BORCS5: variants seen among roughly 807,000 people sequenced by gnomAD.
BORCS5 encodes BLOC-1-related complex subunit 5.
BORCS5 carries 17 observed loss-of-function variants against 22.1 expected under a neutral mutation model. The ratio of observed to expected loss-of-function variants is 0.77; its 90% CI spans 0.53 to 1.15. The LOEUF (loss-of-function observed/expected upper bound fraction) is 1.15, where lower values mean the gene tolerates loss of function less well. Among genes scored for constraint, BORCS5 ranks in the 50% most tolerant of loss-of-function variants. The pLI is 0.00. For missense variants in BORCS5, 247 were observed against 253.2 expected (o/e 0.98, Z 0.17); for synonymous variants, 117 against 99.8 (o/e 1.17, Z -1.03).
chr12:12,409,544 A>G (rs1007049126), intron 2 of BORCS5, among the ~76,000 whole-genome samples: 5 of 152,102 alleles, frequency 3.3e-5, no homozygotes, highest in South Asian at 2.1e-4. Flanking sequence ...CCATGTCCCT[A>G]CAAAGGACAT....
intron 2 of BORCS5, among the ~76,000 whole-genome samples, chr12:12,415,250 C>A (rs1826975148): frequency 6.6e-6 from 1 of 150,888 alleles, no homozygotes; most frequent in Non-Finnish European, 1.5e-5. Flanking sequence ...GCACTCCAGC[C>A]TGGGCACCAT....
chr12:12,412,900 CTTTTT>C (rs869045354), intron 2 of BORCS5, among the ~76,000 whole-genome samples: 211 of 74,206 alleles, frequency 2.8e-3, no homozygotes, highest in Middle Eastern at 0.014. Context: ...TTGTGGTTTT[CTTTTT>C]TTTTTTTTTT....
chr12:12,446,543 G>T (rs1373408235), intron 3 of BORCS5, among the ~76,000 whole-genome samples: 1 of 152,176 alleles, frequency 6.6e-6, no homozygotes, highest in Admixed American at 6.5e-5. Context: ...TATCTCTGTT[G>T]TTAGTTGGTA....
intron 2 of BORCS5, among the ~76,000 whole-genome samples, chr12:12,408,202 T>C (rs775765953): frequency 6.6e-6 from 1 of 152,242 alleles, no homozygotes; most frequent in African/African-American, 2.4e-5. Context: ...CTTTCATCCA[T>C]TGATGGACAT....
chr12:12,359,819 G>T (rs1196402958), intron 1 of BORCS5, among the ~76,000 whole-genome samples: 1 of 152,056 alleles, frequency 6.6e-6, no homozygotes, highest in South Asian at 2.1e-4. Flanking sequence ...CTCCAGTGTC[G>T]CAGAGATGGG....
At chr12:12,361,153 T>C (rs1863274960) in intron 1 of BORCS5, 53 bp from the exon 2 acceptor site, 1 of 1,567,476 alleles carries the variant, frequency 6.4e-7, no homozygotes, top group South Asian at 1.1e-5. Context: ...ACTGCTTTGG[T>C]GAGGCAGAGA....
At chr12:12,407,507 A>G (rs368331482) in intron 2 of BORCS5, among the ~76,000 whole-genome samples, 1 of 152,012 alleles carries the variant, frequency 6.6e-6, no homozygotes, top group East Asian at 1.9e-4. Flanking sequence ...ACAATTTATC[A>G]TTTTAATCCT....
At chr12:12,447,476 C>T (rs1268845992) in intron 3 of BORCS5, among the ~76,000 whole-genome samples, 1 of 152,170 alleles carries the variant, frequency 6.6e-6, no homozygotes, top group African/African-American at 2.4e-5. Context: ...ACATGGGCCT[C>T]TGGACTCTAG....
At chr12:12,425,680 G>A (rs991768004) in intron 2 of BORCS5, among the ~76,000 whole-genome samples, 22 of 152,160 alleles carry the variant, frequency 1.4e-4, no homozygotes, top group African/African-American at 5.3e-4. Context: ...CAATTGTGTG[G>A]TTTGTTGTTT....
Position 12,357,463 on chromosome 12 carries a change from G to A in BORCS5, c.12G>A (p.Glu4=), listed in dbSNP as rs779514400. MGS[E]QSSEAESRPN... ...CCGCTGTCGGCACCATGGGCAGTGA[G>A]CAGAGCTCCGAGGCCGAGAGCCGAC... Residue 4 remains glutamate (E), a synonymous_variant, in exon 1 of 4, where the codon GAG becomes GAA. Transcript: ENST00000314565. 6.2e-7 allele frequency: 1 copy of A among 1,611,430 alleles called. No homozygotes were observed. Among genetic ancestry groups the A allele is most frequent in the Non-Finnish European group, 8.5e-7 (1 of 1,177,928 alleles).
intron 2 of BORCS5, among the ~76,000 whole-genome samples, chr12:12,384,363 T>C (rs1863837097): frequency 6.7e-6 from 1 of 150,292 alleles, no homozygotes; most frequent in Admixed American, 6.7e-5. Context: ...TTTTCTTTCT[T>C]TTATTATGAT....
At chr12:12,454,819 C>T (rs1389062357) in intron 3 of BORCS5, among the ~76,000 whole-genome samples, 1 of 152,154 alleles carries the variant, frequency 6.6e-6, no homozygotes, top group Admixed American at 6.5e-5. Context: ...ACCATTACAA[C>T]ACTGCCGTGA....
intron 2 of BORCS5, among the ~76,000 whole-genome samples, chr12:12,429,159 A>G (rs1407097883): frequency 6.6e-6 from 1 of 152,198 alleles, no homozygotes; most frequent in African/African-American, 2.4e-5. Context: ...TCAGAATGAA[A>G]CACTTCAGAG....
chr12:12,411,749 G>A (rs564716084), intron 2 of BORCS5, among the ~76,000 whole-genome samples: 5 of 152,200 alleles, frequency 3.3e-5, no homozygotes, highest in South Asian at 2.1e-4. Flanking sequence ...AACATTAAAC[G>A]TTTTATTGTT....
intron 2 of BORCS5, among the ~76,000 whole-genome samples, chr12:12,385,191 T>C (rs1203911510): frequency 6.6e-6 from 1 of 151,564 alleles, no homozygotes; most frequent in African/African-American, 2.4e-5. Flanking sequence ...GGTTGCACCC[T>C]TTCAGGTCTC....
chr12:12,446,573 C>T (rs1592134343), intron 3 of BORCS5, among the ~76,000 whole-genome samples: 1 of 152,194 alleles, frequency 6.6e-6, no homozygotes, highest in Non-Finnish European at 1.5e-5. Context: ...CAGATCTATA[C>T]TCCTTTTAAA....
intron 2 of BORCS5, among the ~76,000 whole-genome samples, chr12:12,420,428 A>G (rs1942084665): frequency 6.6e-6 from 1 of 152,168 alleles, no homozygotes; most frequent in African/African-American, 2.4e-5. Context: ...TACCAGTACC[A>G]TGCTGTTTTG....
intron 2 of BORCS5, among the ~76,000 whole-genome samples, chr12:12,377,157 C>G (rs1592065233): frequency 6.6e-6 from 1 of 150,762 alleles, no homozygotes; most frequent in South Asian, 2.1e-4. Flanking sequence ...TCAGGTTTCT[C>G]AAGAGTTGAG....
chr12:12,411,005 A>G (rs957473431), intron 2 of BORCS5, among the ~76,000 whole-genome samples: 3 of 152,184 alleles, frequency 2.0e-5, no homozygotes, highest in African/African-American at 4.8e-5. Context: ...ATGGGAGTTC[A>G]TTCATGATTT....
Sources: allele counts gnomAD v4.1 joint callset (sites outside exome capture counted in the v4.1 genomes callset), GRCh38; gene constraint gnomAD v4.1.1; transcripts MANE v1.5; gene names NCBI Gene and HGNC (gene_info 2026-07-23, HGNC 2026-07-21).